SPON2: variants seen among roughly 807,000 people sequenced by gnomAD.
The protein encoded by SPON2 is spondin-2.
In SPON2, 32 loss-of-function variants were observed where a neutral mutation model predicts 29.9. The ratio of observed to expected loss-of-function variants is 1.07; its 90% confidence interval spans 0.81 to 1.44. SPON2 has a LOEUF of 1.44. SPON2 is among the 40% of genes most tolerant of loss of function. The pLI is 0.00. For missense variants in SPON2, 541 were observed against 455.5 expected, an observed-to-expected ratio of 1.19 and a Z score of -1.71; for synonymous variants, 248 against 209.1, an observed-to-expected ratio of 1.19 and a Z score of -1.61.
chr4:1,206,911 T>TAGGGACACA (rs1201651267), intron 1 of SPON2, among the ~76,000 whole-genome samples: 1 of 76,166 alleles, frequency 1.3e-5, no homozygotes, highest in East Asian at 3.6e-4. Flanking sequence ...ACATGGAGGG[T>TAGGGACACA]GGGAGGAGAT....
chr4:1,180,262 AG>A (rs907815034), intron 1 of SPON2, among the ~76,000 whole-genome samples: 6 of 152,326 alleles, frequency 3.9e-5, no homozygotes, highest in Admixed American at 3.9e-4. Context: ...TGGGCCTTTA[AG>A]GAAATCTCTG....
intron 1 of SPON2, among the ~76,000 whole-genome samples, chr4:1,204,701 T>C (rs756905649): frequency 6.6e-6 from 1 of 152,220 alleles, no homozygotes; most frequent in South Asian, 2.1e-4. Context: ...GGTGTTTTAA[T>C]TGGCCCCGCT....
At chr4:1,184,773 C>T (rs1040835162) in intron 1 of SPON2, among the ~76,000 whole-genome samples, 3 of 151,658 alleles carry the variant, frequency 2.0e-5, no homozygotes, top group Non-Finnish European at 4.4e-5. Context: ...CTCTACTAAA[C>T]AAAAATTTAA....
chr4:1,171,117 C>G lies in SPON2; in HGVS notation c.518G>C (p.Gly173Ala). The G allele has an allele frequency of 1.3e-6, 2 of 1,552,170 alleles. No individual in the cohort carries two copies. The highest frequency in any genetic ancestry group is 1.7e-4 in the Middle Eastern group (1 of 5,986). ...CGCCGCCTGTTCCCGCCAACGGTCCCCGTCGCACAGGTCCAGGCTGTCCAC... is the reference window on the plus strand; with the variant it reads ...CGCCGCCTGTTCCCGCCAACGGTCCGCGTCGCACAGGTCCAGGCTGTCCAC... ...VGVDSLDLCD[G>A]DRWREQAALD... Residue 173 changes from glycine (G) to alanine (A), a missense_variant, in exon 4 of 6, where the codon GGG becomes GCG. Physicochemically the swap from Gly to Ala is moderately conservative, Grantham distance 60 (BLOSUM62 0). Coordinates refer to ENST00000290902, the MANE Select transcript of SPON2 (RefSeq NM_012445.4).
intron 2 of SPON2, among the ~76,000 whole-genome samples, chr4:1,178,954 A>G (rs1447868770): frequency 3.3e-5 from 5 of 152,166 alleles, no homozygotes; most frequent in East Asian, 1.9e-4. Context: ...ACATGCCTCC[A>G]TTCTGGATTC....
Position 1,201,479 on chromosome 4 carries a change from C to T in SPON2, c.-234+6401G>A, listed in dbSNP as rs575787730. 1.6e-5 allele frequency: 3 copies of T among 182,332 alleles called. No individual in the cohort carries two copies. The South Asian group carries it at 2.8e-4, about 17-fold the overall frequency. The allele number at this position is 182,332 out of a possible 1,614,324, so 11.3% of individuals were successfully genotyped here. On this transcript the variant is annotated intron_variant, in intron 1 of 3. Transcript: ENST00000509233. ...GAGGAGGCCCTGAGAGAGAAGGTGC[C>T]GTTACATGCACGTGACCACAGAGAA... is the stretch of plus-strand genomic sequence containing the variant.
intron 1 of SPON2, among the ~76,000 whole-genome samples, chr4:1,194,174 G>T (rs1230150328): frequency 6.6e-6 from 1 of 152,060 alleles, no homozygotes; most frequent in African/African-American, 2.4e-5. Context: ...CCCTCCGGCC[G>T]GCCTCCCTCC....
chr4:1,206,251 C>T (rs1728339148), intron 1 of SPON2, among the ~76,000 whole-genome samples: 1 of 151,980 alleles, frequency 6.6e-6, no homozygotes, highest in Admixed American at 6.5e-5. Flanking sequence ...CCTCTCAGGG[C>T]ACCCAGGACT....
intron 1 of SPON2, among the ~76,000 whole-genome samples, chr4:1,190,823 G>A (rs1727897764): frequency 6.6e-6 from 1 of 152,078 alleles, no homozygotes; most frequent in Non-Finnish European, 1.5e-5. Context: ...TGAACAATAT[G>A]AAAATGAAAT....
intron 1 of SPON2, chr4:1,207,784 T>C (rs1170950540): frequency 1.3e-5 from 2 of 154,428 alleles, no homozygotes; most frequent in Admixed American, 1.3e-4. Flanking sequence ...GGACCCTACA[T>C]GGGAAGCCCT....
At chr4:1,176,234 C>T (rs530882857), upstream of SPON2, among the ~76,000 whole-genome samples, 20 of 152,198 alleles carry the variant, frequency 1.3e-4, no homozygotes, top group African/African-American at 4.1e-4. Context: ...AACCAGAAGT[C>T]TCTATCCTGC....
Position 1,167,306 on chromosome 4 carries a change from C to T in SPON2, c.*166G>A, listed in dbSNP as rs1727267665. 3.0e-6 allele frequency: 2 copies of T among 658,602 alleles called. No homozygotes were observed. Among genetic ancestry groups the T allele is most frequent in the African/African-American group, 1.8e-5 (1 of 54,252 alleles). The allele number at this position is 658,602 out of a possible 1,614,324, so 40.8% of individuals were successfully genotyped here. A position where few individuals can be genotyped will look rare whatever the true frequency, so the allele number is the denominator to read the frequency against. ...GGAGGCTGTTTCCCAATGCCCGTGC[C>T]GGCCACCAGAGGGCCCTTCAGTGCA... On this transcript the variant is annotated 3_prime_UTR_variant, in exon 6 of 6. Coordinates refer to ENST00000290902, the MANE Select transcript of SPON2 (RefSeq NM_012445.4).
chr4:1,189,242 A>T (rs1727857454), intron 1 of SPON2, among the ~76,000 whole-genome samples: 2 of 152,122 alleles, frequency 1.3e-5, no homozygotes, highest in South Asian at 4.2e-4. Context: ...ATCTCAAATC[A>T]ATAACCCAAC....
intron 1 of SPON2, among the ~76,000 whole-genome samples, chr4:1,203,230 G>A (rs180877368): frequency 3.0e-4 from 46 of 152,318 alleles, no homozygotes; most frequent in Non-Finnish European, 4.9e-4. Flanking sequence ...CAGCGGGGAT[G>A]GACTAAGACC....
At position 1,171,018 on chromosome 4, in the gene SPON2, G is replaced by A. The variant is rs1351525673; in HGVS notation, c.617C>T (p.Pro206Leu). The change falls in exon 4 of 6, where the codon CCG becomes CTG. Residue 206 changes from proline (P) to leucine (L), a missense_variant. Transcript: ENST00000290902. ...ACTCACCTCGGTCACCGTGTCCTGCGGGATGGTGGCGAAGTTGGGGGAGGA... is the reference window on the plus strand; with the variant it reads ...ACTCACCTCGGTCACCGTGTCCTGCAGGATGGTGGCGAAGTTGGGGGAGGA... Reference protein sequence around the residue: ...TFSSPNFATIPQDTVTEITSS... With the variant: ...TFSSPNFATILQDTVTEITSS... 6 of 1,548,754 alleles carry A rather than the reference G, an allele frequency of 3.9e-6. No homozygotes were observed. The East Asian group carries it at 1.5e-4, about 38-fold the overall frequency.
At chr4:1,203,022 C>T (rs1274803030) in intron 1 of SPON2, among the ~76,000 whole-genome samples, 1 of 152,130 alleles carries the variant, frequency 6.6e-6, no homozygotes, top group Non-Finnish European at 1.5e-5. Flanking sequence ...CCTCAGGGCC[C>T]TTATAAAAGG....
upstream of SPON2, among the ~76,000 whole-genome samples, chr4:1,197,824 A>G (rs1728102269): frequency 6.6e-6 from 1 of 152,152 alleles, no homozygotes; most frequent in African/African-American, 2.4e-5. Flanking sequence ...TGAGGTGTGC[A>G]GATCACTTGA....
intron 1 of SPON2, chr4:1,194,908 CCG>C (rs1728013308): frequency 7.6e-6 from 1 of 132,258 alleles, no homozygotes; most frequent in African/African-American, 2.7e-5. Flanking sequence ...GACTCCAACC[CCG>C]CAGCCGGCGG....
intron 1 of SPON2, among the ~76,000 whole-genome samples, chr4:1,190,726 T>C (rs778698825): frequency 1.3e-5 from 2 of 152,170 alleles, no homozygotes; most frequent in Admixed American, 6.5e-5. Flanking sequence ...CAGAAATCCA[T>C]GCAAAAACAT....
Sources: gnomAD v4.1 joint callset for allele counts (sites outside exome capture counted in the v4.1 genomes callset) on GRCh38, gnomAD v4.1.1 for gene constraint, MANE v1.5 for transcripts, NCBI Gene and HGNC (gene_info 2026-07-23, HGNC 2026-07-21) for gene names.